The following LRRC8C variants were observed in gnomAD, a reference collection of about 807,000 sequenced individuals.
LRRC8C encodes the protein volume-regulated anion channel subunit LRRC8C.
Under a neutral mutation model 55.3 loss-of-function variants are expected in LRRC8C, and 20 were observed. The observed-to-expected ratio is 0.36, with a 90% CI of 0.25 to 0.53. LRRC8C has a LOEUF of 0.53. Among genes scored for constraint, LRRC8C ranks in the 20% least tolerant of loss-of-function variants. The pLI, the probability that LRRC8C is intolerant of heterozygous loss-of-function variation, is 0.92. For synonymous variants in LRRC8C, 376 were observed against 360.7 expected (o/e 1.04, Z -0.48); for missense variants, 659 against 951.4 (o/e 0.69, Z 4.04).
At chr1:89,681,322 C>T (rs1657703404) in intron 1 of LRRC8C, among the ~76,000 whole-genome samples, 1 of 152,172 alleles carries the variant, frequency 6.6e-6, no homozygotes, top group Admixed American at 6.5e-5. Context: ...GTCTATCTAC[C>T]TTCTCTTTAG....
rs1253253693 is a variant in LRRC8C, at chr1:89,694,922, GA to G, written c.138+8312del. ...TTCCTGTTTCTAATAAAAGTATAAA[GA>G]CTTTTTTTTTTTTTTTTTGATACAG... On this transcript the variant is annotated intron_variant, in intron 2 of 2. Transcript: ENST00000370454. 7.4e-3 allele frequency among the ~76,000 whole-genome samples: 1,060 copies of G among 143,546 alleles called. 7 individuals are homozygous for G. The highest frequency in any genetic ancestry group is 0.027 in the African/African-American group (1,024 of 37,470). 94.2% of individuals were successfully genotyped at this position (143,546 alleles called of 152,430 possible). A position where few individuals can be genotyped will look rare whatever the true frequency, so the allele number is the denominator to read the frequency against.
chr1:89,699,487 G>A (rs1162039284), intron 2 of LRRC8C, among the ~76,000 whole-genome samples: 1 of 152,146 alleles, frequency 6.6e-6, no homozygotes, highest in Admixed American at 6.5e-5. Context: ...GGGAGCATTT[G>A]GGAAATCTCT....
chr1:89,657,269 C>T (rs1037226432), intron 1 of LRRC8C, among the ~76,000 whole-genome samples: 1 of 152,040 alleles, frequency 6.6e-6, no homozygotes, highest in Non-Finnish European at 1.5e-5. Context: ...CTTCATATCA[C>T]CCTAAGTGTA....
intron 2 of LRRC8C, chr1:89,706,239 G>A: frequency 4.4e-6 from 2 of 454,254 alleles, no homozygotes; most frequent in South Asian, 3.1e-5. Context: ...CAGCATTTAT[G>A]TTCTACATGT....
chr1:89,683,572 G>A (rs1186775974), intron 1 of LRRC8C, among the ~76,000 whole-genome samples: 2 of 151,966 alleles, frequency 1.3e-5, no homozygotes, highest in African/African-American at 4.8e-5. Context: ...TGGCCAGGAT[G>A]GTCTTGATCT....
chr1:89,651,906 T>C (rs1190637783), intron 1 of LRRC8C, among the ~76,000 whole-genome samples: 1 of 152,206 alleles, frequency 6.6e-6, no homozygotes, highest in Non-Finnish European at 1.5e-5. Context: ...ATGGGTCATA[T>C]CTAATTTCCC....
At chr1:89,655,724 G>A (rs1656925238) in intron 1 of LRRC8C, among the ~76,000 whole-genome samples, 1 of 152,162 alleles carries the variant, frequency 6.6e-6, no homozygotes, top group Non-Finnish European at 1.5e-5. Flanking sequence ...ACTAATGCAT[G>A]CATGAGGGCA....
chr1:89,652,061 G>A (rs115766190), intron 1 of LRRC8C, among the ~76,000 whole-genome samples: 2,662 of 152,224 alleles, frequency 0.017, 97 homozygotes, highest in African/African-American at 0.06. Context: ...AGGCAATGTA[G>A]TATATTTTTA....
At chr1:89,693,322 A>C (rs1009396555) in intron 2 of LRRC8C, among the ~76,000 whole-genome samples, 36 of 152,332 alleles carry the variant, frequency 2.4e-4, no homozygotes, top group Admixed American at 2.2e-3. Context: ...CTTCAGGTGA[A>C]AATGCTCATA....
Position 89,714,842 on chromosome 1 carries a change from G to A in LRRC8C, c.2272G>A (p.Asp758Asn). 4.3e-6 allele frequency: 7 copies of A among 1,614,096 alleles called. No individual in the cohort carries two copies. Among genetic ancestry groups the A allele is most frequent in the Non-Finnish European group, 5.9e-6 (7 of 1,179,998 alleles). The change falls in exon 3 of 3, where the codon GAT (aspartate) becomes AAT (asparagine). Residue 758 changes from aspartate (D) to asparagine (N), a missense_variant. Physicochemically the swap from Asp to Asn is conservative, Grantham distance 23. Coordinates refer to ENST00000370454, the MANE Select transcript of LRRC8C (RefSeq NM_032270.5). This position sits in a 1 kb window ranked among gnomAD's most constrained non-coding sequence, Gnocchi z 4.6. ...IGNLLFLSYL[D>N]VKGNHFEILP... ...AAATTTGCTATTTCTTTCCTACTTA[G>A]ATGTAAAAGGTAATCACTTTGAAAT...
In LRRC8C at chr1:89,712,801, T is replaced by G; in HGVS notation, c.231T>G (p.Ser77Arg). The change falls in exon 3 of 3, where the codon AGT (serine) becomes AGG (arginine). Residue 77 changes from serine to arginine, a missense_variant. Transcript: ENST00000370454. ...SLSNVSQAVA[S>R]TTPLPPPKPS... ...CGAATGTCTCTCAAGCAGTTGCCAGTACCACTCCACTGCCTCCACCTAAAC... is the reference window on the plus strand; with the variant it reads ...CGAATGTCTCTCAAGCAGTTGCCAGGACCACTCCACTGCCTCCACCTAAAC... The G allele has an allele frequency of 6.2e-7, 1 of 1,614,162 alleles. No homozygotes were observed. Among genetic ancestry groups the G allele is most frequent in the South Asian group, 1.1e-5 (1 of 91,070 alleles).
At chr1:89,689,043 C>T (rs557518862) in intron 2 of LRRC8C, among the ~76,000 whole-genome samples, 1 of 152,214 alleles carries the variant, frequency 6.6e-6, no homozygotes, top group African/African-American at 2.4e-5. Context: ...AGGAGGACAG[C>T]AGTGTGGACG....
At chr1:89,627,015 G>A in the LRRC8C span, among the ~76,000 whole-genome samples, 3 of 143,956 alleles carry the variant, frequency 2.1e-5, no homozygotes, top group Non-Finnish European at 3.0e-5. Flanking sequence ...ACACGTTTAA[G>A]TTTCCATAGC....
the LRRC8C span, among the ~76,000 whole-genome samples, chr1:89,616,852 A>G: frequency 6.6e-6 from 1 of 152,234 alleles, no homozygotes; most frequent in Non-Finnish European, 1.5e-5. Context: ...AAGTGAGGAT[A>G]TGAATACCTA....
chr1:89,646,645 A>G (rs1458274218), intron 1 of LRRC8C, among the ~76,000 whole-genome samples: 1 of 152,152 alleles, frequency 6.6e-6, no homozygotes, highest in East Asian at 1.9e-4. Flanking sequence ...ACCTATAGCT[A>G]GCATCATACT....
chr1:89,674,614 G>A (rs1210129170), intron 1 of LRRC8C, among the ~76,000 whole-genome samples: 1 of 152,090 alleles, frequency 6.6e-6, no homozygotes, highest in Non-Finnish European at 1.5e-5. Flanking sequence ...TTTCCTGGAG[G>A]CTGGAGGACC....
intron 2 of LRRC8C, among the ~76,000 whole-genome samples, chr1:89,692,958 C>A (rs1237221089): frequency 6.6e-6 from 1 of 152,082 alleles, no homozygotes; most frequent in Non-Finnish European, 1.5e-5. Context: ...CAGACCGTTA[C>A]CAAATATAGA....
chr1:89,713,140 G>T lies in LRRC8C; in HGVS notation c.570G>T (p.Lys190Asn). The T allele has an allele frequency of 6.2e-7, 1 of 1,614,002 alleles. No homozygotes were observed. The highest frequency in any genetic ancestry group is 1.1e-5 in the South Asian group (1 of 91,082). Reference sequence around the variant, plus strand: ...ACTCAGAAGAAAAGGACAACAGGAAGAACAACATGAACAGGTCCAACACCA... The same window carrying T: ...ACTCAGAAGAAAAGGACAACAGGAATAACAACATGAACAGGTCCAACACCA... ...GEDSEEKDNR[K>N]NNMNRSNTIQ... is the part of the protein sequence containing the mutation. Residue 190 changes from lysine to asparagine, a missense_variant, in exon 3 of 3, where the codon AAG (lysine) becomes AAT (asparagine). Around this residue, in one of 5 missense-constraint regions of LRRC8C, gnomAD observed 200 missense variants for 360.5 expected, o/e 0.55. Coordinates refer to ENST00000370454, the MANE Select transcript of LRRC8C (RefSeq NM_032270.5). This position sits in a 1 kb window ranked among gnomAD's most constrained non-coding sequence, Gnocchi z 5.2.
intron 1 of LRRC8C, among the ~76,000 whole-genome samples, chr1:89,650,688 G>C (rs1207218962): frequency 2.0e-5 from 3 of 152,094 alleles, no homozygotes; most frequent in African/African-American, 7.2e-5. Flanking sequence ...TAGTAATATA[G>C]TAAACTTTAA....
Sources: allele counts gnomAD v4.1 joint callset (sites outside exome capture counted in the v4.1 genomes callset), GRCh38; gene constraint gnomAD v4.1.1; regional missense constraint gnomAD v4.1.1; non-coding constraint Gnocchi (gnomAD v3.1); transcripts MANE v1.5; gene names NCBI Gene and HGNC (gene_info 2026-07-23, HGNC 2026-07-21).